AGAP1: variants seen among roughly 807,000 people sequenced by gnomAD.
The protein encoded by AGAP1 is ArfGAP with GTPase domain, ankyrin repeat and PH domain 1.
In AGAP1, 29 loss-of-function variants were observed where a neutral mutation model predicts 105.3. The observed-to-expected ratio is 0.28, with a 90% CI of 0.21 to 0.38. The LOEUF is 0.38. AGAP1 is among the 10% of genes least tolerant of loss of function. AGAP1 has a pLI of 1.00. For missense variants in AGAP1, 998 were observed against 1,165.1 expected (o/e 0.86, Z 2.09); for synonymous variants, 509 against 485.9 (o/e 1.05, Z -0.63).
chr2:235,687,056 CT>C (rs1266648032), intron 1 of AGAP1, among the ~76,000 whole-genome samples: 1 of 152,166 alleles, frequency 6.6e-6, no homozygotes, highest in East Asian at 1.9e-4. Context: ...CATTACATTT[CT>C]GCTCACTTGA....
chr2:235,541,965 GTTC>G (rs1943456923), intron 1 of AGAP1, among the ~76,000 whole-genome samples: 6 of 152,118 alleles, frequency 3.9e-5, no homozygotes, highest in Admixed American at 3.9e-4. Context: ...ACCTCCATTG[GTTC>G]TTCTAACGGC....
In AGAP1 at chr2:236,087,456, A is replaced by G. The variant is rs1020689694; in HGVS notation, c.2115-32736A>G. On this transcript the variant is annotated intron_variant, in intron 16 of 17. Transcript: ENST00000304032. The surrounding 1 kb of genome is among the most constrained non-coding windows in gnomAD (Gnocchi z 5.7). Reference sequence around the variant, plus strand: ...CCTAGCCACTTCTCATGGCTCTACCACACCATCTTCCCGAGAGAGCCTGTG... The same window carrying G: ...CCTAGCCACTTCTCATGGCTCTACCGCACCATCTTCCCGAGAGAGCCTGTG... Among the ~76,000 whole-genome samples, 1 of 152,094 alleles carries G rather than the reference A, an allele frequency of 6.6e-6. No individual in the cohort carries two copies. Among genetic ancestry groups the G allele is most frequent in the African/African-American group, 2.4e-5 (1 of 41,416 alleles).
intron 1 of AGAP1, among the ~76,000 whole-genome samples, chr2:235,645,132 G>T (rs1339617498): frequency 1.3e-5 from 2 of 152,146 alleles, no homozygotes; most frequent in Admixed American, 6.6e-5. Context: ...CTGACCTCAG[G>T]TGATCTGCCC....
chr2:235,572,654 A>C (rs1211958099), intron 1 of AGAP1, among the ~76,000 whole-genome samples: 1 of 152,144 alleles, frequency 6.6e-6, no homozygotes, highest in Admixed American at 6.5e-5. Context: ...CTCTCCAGAA[A>C]ATAGTGGCCA....
rs1952111290 is a variant in AGAP1 at position 235,734,250 on chromosome 2, T to G, written c.311-6713T>G. Among the ~76,000 whole-genome samples the G allele has an allele frequency of 6.6e-6, 1 of 152,214 alleles. No homozygotes were observed. Among genetic ancestry groups the G allele is most frequent in the Non-Finnish European group, 1.5e-5 (1 of 68,042 alleles). On this transcript the variant is annotated intron_variant, in intron 3 of 17. Coordinates refer to ENST00000304032, the MANE Select transcript of AGAP1 (RefSeq NM_001037131.3). The surrounding 1 kb of genome is among the most constrained non-coding windows in gnomAD (Gnocchi z 5.3). ...TGTAGATGAATTTTGAAAATGTTTT[T>G]CCTGGAAGAGAATCCCAAACGTGTG... is the stretch of plus-strand genomic sequence containing the variant.
At chr2:235,568,360 G>A (rs948538323) in intron 1 of AGAP1, among the ~76,000 whole-genome samples, 9 of 152,212 alleles carry the variant, frequency 5.9e-5, no homozygotes, top group South Asian at 2.1e-4. Flanking sequence ...ATGGACGCCC[G>A]TTCTCTTACT....
chr2:235,603,266 C>T (rs1265746060), intron 1 of AGAP1, among the ~76,000 whole-genome samples: 1 of 152,184 alleles, frequency 6.6e-6, no homozygotes, highest in Non-Finnish European at 1.5e-5. Flanking sequence ...CACCTTCTGC[C>T]ATGATTGTGA....
chr2:235,568,563 T>C (rs544306943), intron 1 of AGAP1, among the ~76,000 whole-genome samples: 2 of 152,044 alleles, frequency 1.3e-5, no homozygotes, highest in East Asian at 3.9e-4. Context: ...AAGGAGAAGC[T>C]GTGTATGTGT....
Position 236,089,250 on chromosome 2 carries a change from G to A in AGAP1, c.2115-30942G>A, listed in dbSNP as rs1468845410. On this transcript the variant is annotated intron_variant, in intron 16 of 17. Coordinates refer to ENST00000304032, the MANE Select transcript of AGAP1 (RefSeq NM_001037131.3). The surrounding 1 kb of genome is among the most constrained non-coding windows in gnomAD (Gnocchi z 5.6). ...CCCCAAGAAAAAATAAAAAGTTAAAGTCAGTCTAGTCAATTGCTTTAACAC... is the reference window on the plus strand; with the variant it reads ...CCCCAAGAAAAAATAAAAAGTTAAAATCAGTCTAGTCAATTGCTTTAACAC... Among the ~76,000 whole-genome samples, 2 of 152,314 alleles carry A rather than the reference G, an allele frequency of 1.3e-5. No homozygotes were observed. Among genetic ancestry groups the A allele is most frequent in the African/African-American group, 4.8e-5 (2 of 41,582 alleles).
chr2:235,942,166 A>G (rs2053289987), intron 12 of AGAP1, among the ~76,000 whole-genome samples: 2 of 152,206 alleles, frequency 1.3e-5, no homozygotes, highest in South Asian at 4.1e-4. Context: ...CTGGGTTATC[A>G]TCTGCTGTGT....
At chr2:235,558,333 CTT>C (rs1448950529) in intron 1 of AGAP1, among the ~76,000 whole-genome samples, 1 of 152,166 alleles carries the variant, frequency 6.6e-6, no homozygotes, top group Non-Finnish European at 1.5e-5. Context: ...GGCTTCTGTG[CTT>C]TGGAGACCTC....
intron 12 of AGAP1, among the ~76,000 whole-genome samples, chr2:235,950,406 A>G (rs1225401203): frequency 6.6e-6 from 1 of 151,858 alleles, no homozygotes; most frequent in Non-Finnish European, 1.5e-5. Flanking sequence ...TGCCGGGAGT[A>G]TATGCAAGAG....
intron 1 of AGAP1, among the ~76,000 whole-genome samples, chr2:235,707,551 G>T (rs944156218): frequency 7.2e-6 from 1 of 139,574 alleles, no homozygotes; most frequent in Non-Finnish European, 1.5e-5. Flanking sequence ...CTCCCCCGGC[G>T]TGTGACCTGG....
chr2:235,514,723 C>T (rs538536776), intron 1 of AGAP1, among the ~76,000 whole-genome samples: 8 of 152,362 alleles, frequency 5.3e-5, no homozygotes, highest in African/African-American at 1.9e-4. Flanking sequence ...GTGGGCTGCA[C>T]GTCTCTCCCC....
At position 235,625,261 on chromosome 2, in the gene AGAP1, A is replaced by G. The variant is rs1946602469; in HGVS notation, c.164-83918A>G. On this transcript the variant is annotated intron_variant, in intron 1 of 17. Transcript: ENST00000304032. This position sits in a 1 kb window ranked among gnomAD's most constrained non-coding sequence, Gnocchi z 4.0. Reference sequence around the variant, plus strand: ...TGCCTGAACTGCTTCAGGGCACCCTACAGGTCACTCAGGCCTCCAACTCTG... The same window carrying G: ...TGCCTGAACTGCTTCAGGGCACCCTGCAGGTCACTCAGGCCTCCAACTCTG... Among the ~76,000 whole-genome samples the G allele has an allele frequency of 6.6e-6, 1 of 152,098 alleles. No homozygotes were observed.
chr2:235,849,831 G>A (rs1484500464), intron 9 of AGAP1, among the ~76,000 whole-genome samples: 1 of 152,220 alleles, frequency 6.6e-6, no homozygotes, highest in Non-Finnish European at 1.5e-5. Flanking sequence ...GACGAGCATG[G>A]TCTGGGCGCC....
rs2054244528 is a variant in AGAP1 at position 235,962,774 on chromosome 2, C to G, written c.1484-5688C>G. The stretch of plus-strand genomic sequence containing the variant: ...CTCTGGTTGAAATTCCATGGGGTTT[C>G]TCGCTATTGATATTTTAGGTATTTG... On this transcript the variant is annotated intron_variant, in intron 12 of 17. Coordinates refer to ENST00000304032, the MANE Select transcript of AGAP1 (RefSeq NM_001037131.3). The surrounding 1 kb of genome is among the most constrained non-coding windows in gnomAD (Gnocchi z 5.3). Among the ~76,000 whole-genome samples the G allele has an allele frequency of 6.6e-6, 1 of 152,184 alleles. No homozygotes were observed. The highest frequency in any genetic ancestry group is 1.5e-5 in the Non-Finnish European group (1 of 68,038).
At position 236,062,689 on chromosome 2, in the gene AGAP1, TCTCA is replaced by T. The variant is rs1268288720; in HGVS notation, c.2114+13412_2114+13415del. ...TTTTGTTTGTTTGTTTGAGATGGAATCTCACTCTGTCACCCAGGCTGGAGTGCAG... is the reference window on the plus strand; with the variant it reads ...TTTTGTTTGTTTGTTTGAGATGGAATCTCTGTCACCCAGGCTGGAGTGCAG... On this transcript the variant is annotated intron_variant, in intron 16 of 17. Transcript: ENST00000304032. This position sits in a 1 kb window ranked among gnomAD's most constrained non-coding sequence, Gnocchi z 4.2. Among the ~76,000 whole-genome samples, 1 of 152,130 alleles carries T rather than the reference TCTCA, an allele frequency of 6.6e-6. No homozygotes were observed. Among genetic ancestry groups the T allele is most frequent in the African/African-American group, 2.4e-5 (1 of 41,438 alleles).
At position 235,574,727 on chromosome 2, in the gene AGAP1, A is replaced by G. The variant is rs890905747; in HGVS notation, c.163+79878A>G. Among the ~76,000 whole-genome samples, 8 of 152,246 alleles carry G rather than the reference A, an allele frequency of 5.3e-5. No individual in the cohort carries two copies. Among genetic ancestry groups the G allele is most frequent in the Non-Finnish European group, 1.2e-4 (8 of 68,046 alleles). On this transcript the variant is annotated intron_variant, in intron 1 of 17. Transcript: ENST00000304032. The surrounding 1 kb of genome is among the most constrained non-coding windows in gnomAD (Gnocchi z 5.0). The stretch of plus-strand genomic sequence containing the variant: ...CTGTATTAAGAGGAATAATGGACCA[A>G]GTACACCAGGAGGGAATGAACGAGA...
Sources: allele counts gnomAD v4.1 joint callset (sites outside exome capture counted in the v4.1 genomes callset), GRCh38; gene constraint gnomAD v4.1.1; non-coding constraint Gnocchi (gnomAD v3.1); transcripts MANE v1.5; gene names NCBI Gene and HGNC (gene_info 2026-07-23, HGNC 2026-07-21).